SORCS3: variants seen among roughly 807,000 people sequenced by gnomAD.
SORCS3 encodes VPS10 domain-containing receptor SorCS3.
SORCS3 carries 57 observed loss-of-function variants against 146.3 expected under a neutral mutation model. The ratio of observed to expected loss-of-function variants is 0.39; its 90% confidence interval spans 0.31 to 0.49. SORCS3 has a LOEUF of 0.49. Among genes scored for constraint, SORCS3 ranks in the 20% least tolerant of loss-of-function variants. The pLI is 0.92. For synonymous variants in SORCS3, 653 were observed against 618.5 expected (o/e 1.06, Z -0.83); for missense variants, 1,341 against 1,575.5 (o/e 0.85, Z 2.52).
intron 1 of SORCS3, among the ~76,000 whole-genome samples, chr10:104,777,761 T>C (rs145980398): frequency 2.0e-5 from 3 of 152,084 alleles, no homozygotes; most frequent in Admixed American, 6.5e-5. Context: ...TCGGGGGTAG[T>C]GTATTTGAAA....
chr10:104,696,079 ATATACACATATATAATATATCAT>A (rs1283219233), intron 1 of SORCS3, among the ~76,000 whole-genome samples: 2 of 18,692 alleles, frequency 1.1e-4, no homozygotes, highest in African/African-American at 3.0e-4. Context: ...AATATATATC[ATATACACATATATAATATATCAT>A]ATACACATAT....
intron 3 of SORCS3, among the ~76,000 whole-genome samples, chr10:104,939,785 C>T (rs1003317628): frequency 6.6e-6 from 1 of 152,160 alleles, no homozygotes; most frequent in Non-Finnish European, 1.5e-5. Flanking sequence ...CCACAACACT[C>T]GGGTGGGTAA....
At chr10:104,652,170 C>T (rs1294400523) in intron 1 of SORCS3, among the ~76,000 whole-genome samples, 3 of 151,996 alleles carry the variant, frequency 2.0e-5, no homozygotes, top group African/African-American at 7.3e-5. Context: ...TTCTTTCAAG[C>T]ATGCCTAGAT....
chr10:104,811,786 G>A (rs540704113), intron 1 of SORCS3, among the ~76,000 whole-genome samples: 1 of 152,252 alleles, frequency 6.6e-6, no homozygotes, highest in South Asian at 2.1e-4. Context: ...TTACATTCTC[G>A]GCTGAAGGCT....
intron 5 of SORCS3, among the ~76,000 whole-genome samples, chr10:105,078,049 G>A (rs2055600134): frequency 6.6e-6 from 1 of 152,198 alleles, no homozygotes; most frequent in African/African-American, 2.4e-5. Flanking sequence ...CATTTGTCAA[G>A]CAAATCACAG....
intron 3 of SORCS3, among the ~76,000 whole-genome samples, chr10:104,935,808 A>G (rs939942147): frequency 6.6e-6 from 1 of 152,100 alleles, no homozygotes; most frequent in Non-Finnish European, 1.5e-5. Context: ...GAGTTGTGAG[A>G]AGGTAAGGTG....
chr10:104,809,132 A>C (rs1231872503), intron 1 of SORCS3, among the ~76,000 whole-genome samples: 1 of 152,100 alleles, frequency 6.6e-6, no homozygotes, highest in African/African-American at 2.4e-5. Context: ...TGAGTTTTAG[A>C]TACCTTTAGG....
chr10:104,755,417 A>G (rs1026654455), intron 1 of SORCS3, among the ~76,000 whole-genome samples: 1 of 152,228 alleles, frequency 6.6e-6, no homozygotes, highest in Non-Finnish European at 1.5e-5. Flanking sequence ...GGGACTTAAC[A>G]TTAAGGAATT....
intron 9 of SORCS3, among the ~76,000 whole-genome samples, chr10:105,153,510 C>T (rs1390066128): frequency 6.6e-6 from 1 of 152,126 alleles, no homozygotes; most frequent in African/African-American, 2.4e-5. Context: ...TAAGAAGCCA[C>T]CAAATTATTC....
chr10:104,789,934 C>G (rs774634433), intron 1 of SORCS3, among the ~76,000 whole-genome samples: 1 of 152,228 alleles, frequency 6.6e-6, no homozygotes. Context: ...TCAGGACTTT[C>G]TCTTCCTCAG....
At chr10:104,776,520 T>C (rs753364410) in intron 1 of SORCS3, among the ~76,000 whole-genome samples, 2 of 152,186 alleles carry the variant, frequency 1.3e-5, no homozygotes, top group Non-Finnish European at 2.9e-5. Flanking sequence ...AAATTTCTTT[T>C]TCAGGTCACA....
chr10:105,110,980 A>G lies in SORCS3; in HGVS notation c.1212+5465A>G, dbSNP rs561013056. Among the ~76,000 whole-genome samples the G allele has an allele frequency of 1.1e-4, 17 of 152,122 alleles. No homozygotes were observed. The East Asian group carries it at 2.5e-3, about 23-fold the overall frequency. On this transcript the variant is annotated intron_variant, in intron 7 of 26. Coordinates refer to ENST00000369701, the MANE Select transcript of SORCS3 (RefSeq NM_014978.3). ...CTCATCACCTATAGGGTGAAATCCA[A>G]TTTCCTTACCATTGTCTACAAAGAC...
chr10:104,749,308 G>A (rs1192347092), intron 1 of SORCS3, among the ~76,000 whole-genome samples: 2 of 151,174 alleles, frequency 1.3e-5, no homozygotes, highest in African/African-American at 4.9e-5. Context: ...CTTGTCCTTA[G>A]AAGTGCAAGC....
At chr10:104,746,996 A>C (rs2016918936) in intron 1 of SORCS3, among the ~76,000 whole-genome samples, 1 of 152,238 alleles carries the variant, frequency 6.6e-6, no homozygotes, top group Admixed American at 6.5e-5. Context: ...TTATTTGCTC[A>C]GTTACACAAC....
intron 4 of SORCS3, among the ~76,000 whole-genome samples, chr10:105,010,177 T>C (rs1408856876): frequency 1.3e-5 from 2 of 152,202 alleles, no homozygotes; most frequent in Non-Finnish European, 2.9e-5. Context: ...GAGGTAATGA[T>C]ATGTACTCCA....
chr10:105,255,682 A>T lies in SORCS3; in HGVS notation c.3238-20A>T. The T allele has an allele frequency of 6.4e-7, 1 of 1,567,756 alleles. No homozygotes were observed. Among genetic ancestry groups the T allele is most frequent in the South Asian group, 1.1e-5 (1 of 89,774 alleles). On this transcript the variant is annotated intron_variant, in intron 23 of 26. Transcript: ENST00000369701. ...CATTGCATGTCATGTCACCCCATGC[A>T]TCCTGTCTTATTTTTTCAGATTGTA...
At chr10:104,688,019 A>C (rs1049256793) in intron 1 of SORCS3, among the ~76,000 whole-genome samples, 1 of 152,370 alleles carries the variant, frequency 6.6e-6, no homozygotes, top group East Asian at 1.9e-4. Flanking sequence ...AGGGATTTTC[A>C]TACTTTGACC....
chr10:105,234,302 A>G (rs1028270815), intron 20 of SORCS3, among the ~76,000 whole-genome samples: 3 of 151,552 alleles, frequency 2.0e-5, no homozygotes, highest in Non-Finnish European at 4.4e-5. Flanking sequence ...TTCTCTCATG[A>G]CTTTTTTTCT....
At chr10:105,024,089 G>C (rs879296892) in intron 4 of SORCS3, among the ~76,000 whole-genome samples, 11 of 152,188 alleles carry the variant, frequency 7.2e-5, no homozygotes, top group Non-Finnish European at 1.2e-4. Flanking sequence ...TGGAAACACT[G>C]TCAGTGTTCA....
Sources: allele counts gnomAD v4.1 joint callset (sites outside exome capture counted in the v4.1 genomes callset), GRCh38; gene constraint gnomAD v4.1.1; transcripts MANE v1.5; gene names NCBI Gene and HGNC (gene_info 2026-07-23, HGNC 2026-07-21).